LRP4: variants seen among roughly 807,000 people sequenced by gnomAD.
LRP4 encodes low-density lipoprotein receptor-related protein 4.
In LRP4, 95 loss-of-function variants were observed where a neutral mutation model predicts 220.3. The observed-to-expected ratio is 0.43, with a 90% CI of 0.37 to 0.51. The LOEUF (loss-of-function observed/expected upper bound fraction) is 0.51. Among genes scored for constraint, LRP4 ranks in the 20% least tolerant of loss-of-function variants. The pLI, the probability that LRP4 is intolerant of heterozygous loss-of-function variation, is 0.00. For synonymous variants in LRP4, 903 were observed against 954.6 expected (o/e 0.95, Z 1.00); for missense variants, 1,925 against 2,567.0 (o/e 0.75, Z 5.40).
chr11:46,905,323 A>G (rs1941742260), intron 1 of LRP4, among the ~76,000 whole-genome samples: 1 of 152,204 alleles, frequency 6.6e-6, no homozygotes. Flanking sequence ...CTCTAGCTGG[A>G]TTGAACAGCA....
chr11:46,895,048 T>G (rs190509269), intron 11 of LRP4, 118 bp downstream of exon 11: 15 of 1,459,242 alleles, frequency 1.0e-5, no homozygotes, highest in African/African-American at 8.3e-5. Context: ...CAACTGTTGC[T>G]GCATTTTACT....
chr11:46,865,508 G>A (rs569494942), intron 34 of LRP4, among the ~76,000 whole-genome samples: 111 of 152,330 alleles, frequency 7.3e-4, no homozygotes, highest in African/African-American at 2.6e-3. Context: ...TAAACTACCA[G>A]GATGAGTCAG....
chr11:46,872,772 G>A (rs1385441138), intron 30 of LRP4, among the ~76,000 whole-genome samples: 2 of 152,128 alleles, frequency 1.3e-5, no homozygotes, highest in Non-Finnish European at 2.9e-5. Flanking sequence ...GAGCCTGAAG[G>A]GATCAGGATT....
chr11:46,904,667 C>G (rs1941730523), intron 1 of LRP4, among the ~76,000 whole-genome samples: 1 of 152,120 alleles, frequency 6.6e-6, no homozygotes, highest in African/African-American at 2.4e-5. Flanking sequence ...ATCAGCTGCT[C>G]TAGAAAAGAT....
intron 7 of LRP4, 140 bp from the exon 8 acceptor site, chr11:46,897,134 G>A (rs1941550399): frequency 1.8e-6 from 2 of 1,115,304 alleles, no homozygotes; most frequent in Non-Finnish European, 2.6e-6. Flanking sequence ...GTGTCTTTGT[G>A]TGAATCAGAA....
In LRP4 at chr11:46,859,061, G is replaced by A. The variant is rs775918492; in HGVS notation, c.5640C>T (p.Ala1880=). Residue 1880 remains alanine (A), a synonymous_variant, in exon 38 of 38, where the codon GCC becomes GCT. Coordinates refer to ENST00000378623, the MANE Select transcript of LRP4 (RefSeq NM_002334.4). ...GCAGAGAGCCTCGTCTTTCTGGAGT[G>A]GCTGCAGTATGGACGCTGCTACACT... The part of the protein sequence containing the change: ...QSECSSVHTA[A]TPERRGSLPD... 2 of 1,614,134 alleles carry A rather than the reference G, an allele frequency of 1.2e-6. No individual in the cohort carries two copies. Among genetic ancestry groups the A allele is most frequent in the East Asian group, 4.5e-5 (2 of 44,876 alleles).
At chr11:46,893,627 C>T (rs1222552724) in intron 12 of LRP4, among the ~76,000 whole-genome samples, 1 of 152,172 alleles carries the variant, frequency 6.6e-6, no homozygotes. Flanking sequence ...GAGATGGAGT[C>T]TCACTCCCAT....
chr11:46,873,293 G>A lies in LRP4; in HGVS notation c.4449-59C>T. The stretch of plus-strand genomic sequence containing the variant: ...TGGGAAGACAGCACCCAGAGGTTGA[G>A]AGAACACAGAGGACCCACTAACACC... On this transcript the variant is annotated intron_variant, in intron 29 of 37. Transcript: ENST00000378623. The surrounding 1 kb of genome is among the most constrained non-coding windows in gnomAD (Gnocchi z 4.2). The A allele has an allele frequency of 1.2e-6, 2 of 1,613,152 alleles. No individual in the cohort carries two copies. Among genetic ancestry groups the A allele is most frequent in the East Asian group, 2.2e-5 (1 of 44,852 alleles).
In LRP4 at chr11:46,879,284, A is replaced by G; in HGVS notation, c.2846T>C (p.Phe949Ser). 1 of 1,614,134 alleles carries G rather than the reference A, an allele frequency of 6.2e-7. No individual in the cohort carries two copies. The highest frequency in any genetic ancestry group is 1.6e-4 in the Middle Eastern group (1 of 6,062). ...VLIGSQLPHP[F>S]GLTLYGERIY... ...GCGCTCTCCATAGAGGGTCAGCCCAAATGGGTGGGGGAGCTGGCTTCCAAT... is the reference window on the plus strand; with the variant it reads ...GCGCTCTCCATAGAGGGTCAGCCCAGATGGGTGGGGGAGCTGGCTTCCAAT... Residue 949 changes from phenylalanine to serine, a missense_variant, in exon 21 of 38, where the codon TTT (phenylalanine) becomes TCT (serine). Physicochemically the swap from Phe to Ser is radical, Grantham distance 155. Around this residue, in one of 3 missense-constraint regions of LRP4, gnomAD observed 1,244 missense variants for 1,624.9 expected, o/e 0.77. Transcript: ENST00000378623.
chr11:46,879,375 A>G, intron 20 of LRP4, 60 bp from the exon 21 acceptor site: 1 of 1,574,348 alleles, frequency 6.4e-7, no homozygotes, highest in Non-Finnish European at 8.7e-7. Flanking sequence ...GAGCAGTGGC[A>G]AAGAGCTCAC....
intron 34 of LRP4, among the ~76,000 whole-genome samples, chr11:46,867,286 C>A (rs565464699): frequency 1.3e-5 from 2 of 152,144 alleles, no homozygotes; most frequent in East Asian, 3.9e-4. Context: ...TCTGGGGAAA[C>A]CTTTTTGTTC....
chr11:46,899,254 C>A lies in LRP4; in HGVS notation c.547+133G>T. 1 of 919,802 alleles carries A rather than the reference C, an allele frequency of 1.1e-6. No individual in the cohort carries two copies. Among genetic ancestry groups the A allele is most frequent in the Non-Finnish European group, 1.8e-6 (1 of 558,640 alleles). 57.0% of individuals were successfully genotyped at this position (919,802 alleles called of 1,614,324 possible). A position where few individuals can be genotyped will look rare whatever the true frequency, so the allele number is the denominator to read the frequency against. ...GAACTTGCTCCCTCCCTAGCTCAGC[C>A]TAGGAGGAGCTGCTGCTGAGGCACC... On this transcript the variant is annotated intron_variant, in intron 5 of 37. Coordinates refer to ENST00000378623, the MANE Select transcript of LRP4 (RefSeq NM_002334.4). This position sits in a 1 kb window ranked among gnomAD's most constrained non-coding sequence, Gnocchi z 5.9.
chr11:46,875,735 A>G lies in LRP4; in HGVS notation c.3700-54T>C, dbSNP rs1435964128. The G allele has an allele frequency of 6.2e-7, 1 of 1,612,722 alleles. No homozygotes were observed. Among genetic ancestry groups the G allele is most frequent in the Non-Finnish European group, 8.5e-7 (1 of 1,178,880 alleles). ...GTGATCAGCAGATTGGGAACTCTCC[A>G]TGGAGATCCTAGGCAGGCCTTTCCC... On this transcript the variant is annotated intron_variant, in intron 26 of 37. Coordinates refer to ENST00000378623, the MANE Select transcript of LRP4 (RefSeq NM_002334.4). This position sits in a 1 kb window ranked among gnomAD's most constrained non-coding sequence, Gnocchi z 4.5.
intron 34 of LRP4, 26 bp downstream of exon 34, chr11:46,867,953 C>G (rs772285688): frequency 6.2e-7 from 1 of 1,614,050 alleles, no homozygotes; most frequent in Admixed American, 1.7e-5. Flanking sequence ...TCAAAGGGCC[C>G]ATGATCCTGC....
intron 31 of LRP4, among the ~76,000 whole-genome samples, chr11:46,870,470 G>A (rs148226275): frequency 9.2e-4 from 140 of 152,106 alleles, no homozygotes; most frequent in Middle Eastern, 3.4e-3. Flanking sequence ...TGTTGCCCAA[G>A]TTGGAGCACA....
At position 46,918,353 on chromosome 11, in the gene LRP4, C is replaced by T; in HGVS notation, c.27G>A (p.Leu9=). The change falls in exon 1 of 38, where the codon CTG becomes CTA. Residue 9 remains leucine (L), a synonymous_variant. Transcript: ENST00000378623. The surrounding 1 kb of genome is among the most constrained non-coding windows in gnomAD (Gnocchi z 6.0). The part of the protein sequence containing the change: MRRQWGAL[L]LGALLCAHGL... The stretch of plus-strand genomic sequence containing the variant: ...CGTGTGCGCAGAGCAGGGCGCCAAG[C>T]AGCAGCGCGCCCCACTGCCGCCTCA... 1 of 1,481,924 alleles carries T rather than the reference C, an allele frequency of 6.7e-7. No homozygotes were observed. The highest frequency in any genetic ancestry group is 2.2e-5 in the Admixed American group (1 of 45,138). 91.8% of individuals were successfully genotyped at this position (1,481,924 alleles called of 1,614,324 possible). A position where few individuals can be genotyped will look rare whatever the true frequency, so the allele number is the denominator to read the frequency against.
intron 34 of LRP4, among the ~76,000 whole-genome samples, chr11:46,867,569 C>A (rs1031099172): frequency 1.3e-5 from 2 of 152,216 alleles, no homozygotes; most frequent in African/African-American, 2.4e-5. Flanking sequence ...TCAAGTGATT[C>A]TCCTGTCTCA....
intron 23 of LRP4, 78 bp from the exon 24 acceptor site, chr11:46,876,908 A>T: frequency 8.6e-7 from 1 of 1,162,742 alleles, no homozygotes; most frequent in Non-Finnish European, 1.3e-6. Context: ...ATGTCTTGAA[A>T]CACCAGAGCA....
intron 37 of LRP4, among the ~76,000 whole-genome samples, chr11:46,860,242 A>AAAAAAG (rs1555170534): frequency 5.3e-5 from 8 of 151,766 alleles, no homozygotes; most frequent in African/African-American, 1.9e-4. Context: ...TAAAAAAAAA[A>AAAAAAG]AAAGAAAGAA....
Sources: allele counts gnomAD v4.1 joint callset (sites outside exome capture counted in the v4.1 genomes callset), GRCh38; gene constraint gnomAD v4.1.1; regional missense constraint gnomAD v4.1.1; non-coding constraint Gnocchi (gnomAD v3.1); transcripts MANE v1.5; gene names NCBI Gene and HGNC (gene_info 2026-07-23, HGNC 2026-07-21).